PCDH17: variants seen among roughly 807,000 people sequenced by gnomAD.
PCDH17 encodes the protein protocadherin 17, also known as protocadherin-17.
PCDH17 carries 21 observed loss-of-function variants against 67.7 expected under a neutral mutation model. The ratio of observed to expected loss-of-function variants is 0.31; its 90% CI spans 0.22 to 0.45. PCDH17 has a LOEUF of 0.45. Among genes scored for constraint, PCDH17 ranks in the 20% least tolerant of loss-of-function variants. The probability of loss-of-function intolerance (pLI) is 1.00; values close to 1 mark genes in which losing one functional copy is unlikely to be tolerated. For missense variants in PCDH17, 1,471 were observed against 1,564.8 expected (o/e 0.94, Z 1.01); for synonymous variants, 701 against 656.7 (o/e 1.07, Z -1.03).
chr13:57,665,181 T>G (rs1004035637), intron 1 of PCDH17, among the ~76,000 whole-genome samples: 3 of 139,954 alleles, frequency 2.1e-5, no homozygotes, highest in Admixed American at 7.2e-5. Flanking sequence ...GTGGGGGGGG[T>G]TTCTGTCCCC....
chr13:57,685,496 C>T (rs887409050), intron 3 of PCDH17, among the ~76,000 whole-genome samples: 1 of 151,916 alleles, frequency 6.6e-6, no homozygotes, highest in African/African-American at 2.4e-5. Flanking sequence ...TACTTTCCCT[C>T]AGTGGATGTT....
At chr13:57,673,072 G>T (rs1377172676) in intron 3 of PCDH17, among the ~76,000 whole-genome samples, 1 of 151,884 alleles carries the variant, frequency 6.6e-6, no homozygotes, top group Admixed American at 6.6e-5. Context: ...TATAACTAAG[G>T]TCTGAGTCCT....
At chr13:57,708,407 C>A (rs1186943203) in intron 3 of PCDH17, among the ~76,000 whole-genome samples, 1 of 151,922 alleles carries the variant, frequency 6.6e-6, no homozygotes, top group Non-Finnish European at 1.5e-5. Context: ...TCAAGACAAA[C>A]ATAATAACAA....
rs17054240 is a variant in PCDH17 at position 57,667,812 on chromosome 13, G to A, written c.2797+979G>A. Reference sequence around the variant, plus strand: ...AGATACAGTGTTAAGTTTTCTAGTCGTTAAAATGTTTAATGCAAATATTAA... The same window carrying A: ...AGATACAGTGTTAAGTTTTCTAGTCATTAAAATGTTTAATGCAAATATTAA... On this transcript the variant is annotated intron_variant, in intron 3 of 3. Coordinates refer to ENST00000377918, the MANE Select transcript of PCDH17 (RefSeq NM_001040429.3). Among the ~76,000 whole-genome samples the A allele has an allele frequency of 9.0e-3, 1,344 of 149,524 alleles. 26 individuals carry two copies. Among genetic ancestry groups the A allele is most frequent in the African/African-American group, 0.031 (1,256 of 40,990 alleles).
intron 3 of PCDH17, among the ~76,000 whole-genome samples, chr13:57,684,848 A>G (rs1446171164): frequency 6.6e-6 from 1 of 152,002 alleles, no homozygotes; most frequent in East Asian, 1.9e-4. Context: ...TCATTTGAAT[A>G]TGCTTGATAC....
At chr13:57,680,004 T>G (rs1955433284) in intron 3 of PCDH17, among the ~76,000 whole-genome samples, 1 of 151,496 alleles carries the variant, frequency 6.6e-6, no homozygotes, top group Non-Finnish European at 1.5e-5. Context: ...ATTCAGTAAA[T>G]ATTACTTCAG....
At chr13:57,697,834 C>T (rs1955625598) in intron 3 of PCDH17, among the ~76,000 whole-genome samples, 1 of 150,564 alleles carries the variant, frequency 6.6e-6, no homozygotes, top group African/African-American at 2.4e-5. Context: ...AAGCACAGAA[C>T]CAAAACTCCT....
chr13:57,654,744 A>T (rs980556856), intron 1 of PCDH17, among the ~76,000 whole-genome samples: 2 of 152,058 alleles, frequency 1.3e-5, no homozygotes, highest in Non-Finnish European at 2.9e-5. Context: ...TTTGAGGTAT[A>T]AATGTCTACC....
At chr13:57,645,777 T>C (rs1417850208) in intron 1 of PCDH17, among the ~76,000 whole-genome samples, 1 of 151,172 alleles carries the variant, frequency 6.6e-6, no homozygotes, top group Non-Finnish European at 1.5e-5. Context: ...TATCTTTCTA[T>C]CTTTTGTCCC....
chr13:57,700,628 G>A (rs1955654482), intron 3 of PCDH17, among the ~76,000 whole-genome samples: 2 of 152,194 alleles, frequency 1.3e-5, no homozygotes, highest in Non-Finnish European at 2.9e-5. Context: ...TGTTTTGAGG[G>A]ATTAAAGAAG....
intron 3 of PCDH17, among the ~76,000 whole-genome samples, chr13:57,699,613 T>A (rs1331684489): frequency 1.3e-5 from 2 of 151,966 alleles, no homozygotes; most frequent in Non-Finnish European, 1.5e-5. Flanking sequence ...GTGTTTTTAT[T>A]GCTTCTTTTA....
chr13:57,707,334 CGTGTGTGTGTGTGT>C (rs56840875), intron 3 of PCDH17, among the ~76,000 whole-genome samples: 5 of 145,714 alleles, frequency 3.4e-5, no homozygotes, highest in Admixed American at 1.4e-4. Context: ...GATATATGAC[CGTGTGTGTGTGTGT>C]GTGTGTGTGT....
At position 57,634,897 on chromosome 13, in the gene PCDH17, A is replaced by G; in HGVS notation, c.2351A>G (p.Asn784Ser). ...VEERNAMNVM[N>S]VVSSPSLATS... ...GAGAGGAACGCCATGAACGTCATGA[A>G]CGTGGTGAGCAGCCCCTCCCTGGCC... The change falls in exon 1 of 4, where the codon AAC becomes AGC. Residue 784 changes from asparagine to serine, a missense_variant. Coordinates refer to ENST00000377918, the MANE Select transcript of PCDH17 (RefSeq NM_001040429.3). The surrounding 1 kb of genome is among the most constrained non-coding windows in gnomAD (Gnocchi z 7.8). The G allele has an allele frequency of 6.2e-7, 1 of 1,614,016 alleles. No homozygotes were observed. The highest frequency in any genetic ancestry group is 8.5e-7 in the Non-Finnish European group (1 of 1,180,002).
At chr13:57,646,655 T>C (rs1954969947) in intron 1 of PCDH17, among the ~76,000 whole-genome samples, 1 of 151,730 alleles carries the variant, frequency 6.6e-6, no homozygotes, top group South Asian at 2.1e-4. Flanking sequence ...GAAAGAAGCA[T>C]AGAAATGTAA....
intron 3 of PCDH17, among the ~76,000 whole-genome samples, chr13:57,723,967 GA>G (rs1312726319): frequency 6.6e-6 from 1 of 152,112 alleles, no homozygotes. Context: ...AAGCTGAACA[GA>G]AAACTGATTA....
At chr13:57,658,376 G>T (rs769306087) in intron 1 of PCDH17, among the ~76,000 whole-genome samples, 1 of 152,026 alleles carries the variant, frequency 6.6e-6, no homozygotes, top group Non-Finnish European at 1.5e-5. Context: ...GGTAGTTAAG[G>T]CACAAGATTT....
intron 1 of PCDH17, among the ~76,000 whole-genome samples, chr13:57,638,324 G>C (rs188279340): frequency 6.6e-6 from 1 of 152,102 alleles, no homozygotes. Context: ...CAAGAATTAA[G>C]TGCTAAGTCT....
intron 1 of PCDH17, among the ~76,000 whole-genome samples, chr13:57,665,710 G>T (rs1167736475): frequency 6.6e-6 from 1 of 152,116 alleles, no homozygotes; most frequent in South Asian, 2.1e-4. Flanking sequence ...GGAGAATTCA[G>T]TTCTTTTTGG....
chr13:57,635,009 C>A lies in PCDH17; in HGVS notation c.2463C>A (p.Asn821Lys). 1 of 1,613,740 alleles carries A rather than the reference C, an allele frequency of 6.2e-7. No individual in the cohort carries two copies. The highest frequency in any genetic ancestry group is 2.2e-5 in the East Asian group (1 of 44,858). Residue 821 changes from asparagine to lysine, a missense_variant, in exon 1 of 4, where the codon AAC (asparagine) becomes AAA (lysine). Transcript: ENST00000377918. ...SEVMYLKPAS[N>K]NLTVPQGHAG... ...TGATGTATCTCAAACCGGCCTCCAACAACCTGACTGTCCCTCAGGGGCACG... is the reference window on the plus strand; with the variant it reads ...TGATGTATCTCAAACCGGCCTCCAAAAACCTGACTGTCCCTCAGGGGCACG...
Sources: allele counts gnomAD v4.1 joint callset (sites outside exome capture counted in the v4.1 genomes callset), GRCh38; gene constraint gnomAD v4.1.1; non-coding constraint Gnocchi (gnomAD v3.1); transcripts MANE v1.5; gene names NCBI Gene and HGNC (gene_info 2026-07-23, HGNC 2026-07-21).